PCDHGB7: variants seen among roughly 807,000 people sequenced by gnomAD.
PCDHGB7 encodes protocadherin gamma-B7.
In PCDHGB7, 37 loss-of-function variants were observed where a neutral mutation model predicts 61.4. That is an observed-to-expected ratio of 0.60 (90% CI 0.46 to 0.79). PCDHGB7 has a LOEUF of 0.79. PCDHGB7 is among the 30% of genes least tolerant of loss of function. The pLI, the probability that PCDHGB7 is intolerant of heterozygous loss-of-function variation, is 0.00. For missense variants in PCDHGB7, 1,166 were observed against 1,202.5 expected (o/e 0.97, Z 0.45); for synonymous variants, 464 against 503.5 (o/e 0.92, Z 1.05).
intron 1 of PCDHGB7, among the ~76,000 whole-genome samples, chr5:141,450,826 A>ATT (rs764729742): frequency 0.025 from 3,390 of 134,266 alleles, 60 homozygotes; most frequent in Middle Eastern, 0.057. Flanking sequence ...TATTATTATT[A>ATT]TTATTTTTTT....
chr5:141,475,715 C>A (rs989484033), intron 1 of PCDHGB7, among the ~76,000 whole-genome samples: 3 of 152,366 alleles, frequency 2.0e-5, no homozygotes, highest in South Asian at 4.1e-4. Context: ...AGCCTCACAG[C>A]CCCAAGGCTG....
rs762433242 is a variant in PCDHGB7, at chr5:141,476,856, C to A, written c.2416-17951C>A. 2.5e-6 allele frequency: 4 copies of A among 1,613,762 alleles called. No individual in the cohort carries two copies. In the East Asian group the frequency reaches 6.7e-5, roughly 27 times the overall value. ...GACAATGCGCCTGTCTTCAACCAGTCCTTGTACCGGGCGCGCGTCCTGGAG... is the reference window on the plus strand; with the variant it reads ...GACAATGCGCCTGTCTTCAACCAGTACTTGTACCGGGCGCGCGTCCTGGAG... On this transcript the variant is annotated intron_variant, in intron 1 of 3. Coordinates refer to ENST00000398594, the MANE Select transcript of PCDHGB7 (RefSeq NM_018927.4). This position sits in a 1 kb window ranked among gnomAD's most constrained non-coding sequence, Gnocchi z 7.6.
In PCDHGB7 at chr5:141,426,211, G is replaced by A. The variant is rs184669298; in HGVS notation, c.2415+5937G>A. On this transcript the variant is annotated intron_variant, in intron 1 of 3. Coordinates refer to ENST00000398594, the MANE Select transcript of PCDHGB7 (RefSeq NM_018927.4). ...TGGGAGCATTGAGTTTTCTATGTAT[G>A]GAAGTAAATATTTTAAAAGCACTTT... The A allele has an allele frequency of 7.7e-4, 121 of 157,870 alleles. 1 individual carries two copies. The highest frequency in any genetic ancestry group is 7.4e-4 in the South Asian group (4 of 5,398). 9.8% of individuals were successfully genotyped at this position (157,870 alleles called of 1,614,324 possible). A position where few individuals can be genotyped will look rare whatever the true frequency, so the allele number is the denominator to read the frequency against.
chr5:141,476,839 G>A lies in PCDHGB7; in HGVS notation c.2416-17968G>A, dbSNP rs372676286. The A allele has an allele frequency of 5.0e-6, 8 of 1,613,490 alleles. No homozygotes were observed. Among genetic ancestry groups the A allele is most frequent in the South Asian group, 1.1e-5 (1 of 91,088 alleles). On this transcript the variant is annotated intron_variant, in intron 1 of 3. Transcript: ENST00000398594. The surrounding 1 kb of genome is among the most constrained non-coding windows in gnomAD (Gnocchi z 7.6). ...AGGTGCTGGACGCGAATGACAATGC[G>A]CCTGTCTTCAACCAGTCCTTGTACC...
chr5:141,494,924 TGGGAGGAGATGGGGGAG>T, intron 2 of PCDHGB7, 59 bp downstream of exon 2: 1 of 1,613,498 alleles, frequency 6.2e-7, no homozygotes, highest in Admixed American at 1.7e-5. Flanking sequence ...AGGGATGACG[TGGGAGGAGATGGGGGAG>T]GGCCCAGCAT....
intron 2 of PCDHGB7, among the ~76,000 whole-genome samples, chr5:141,497,171 C>T (rs991574648): frequency 6.6e-6 from 1 of 151,148 alleles, no homozygotes; most frequent in African/African-American, 2.5e-5. Context: ...CCACAAATCA[C>T]AGTAAGTTCT....
intron 1 of PCDHGB7, among the ~76,000 whole-genome samples, chr5:141,467,288 A>G (rs1322298174): frequency 6.6e-6 from 1 of 152,084 alleles, no homozygotes; most frequent in Non-Finnish European, 1.5e-5. Context: ...CTTGACCTCA[A>G]GTGATCCACT....
Position 141,419,620 on chromosome 5 carries a change from G to C in PCDHGB7, c.1761G>C (p.Leu587=). ...TVPRAAQPGY[L]VTKVVAVDAD... Reference sequence around the variant, plus strand: ...CGCGGGCCGCGCAGCCAGGCTACCTGGTGACCAAGGTGGTGGCCGTGGACG... The same window carrying C: ...CGCGGGCCGCGCAGCCAGGCTACCTCGTGACCAAGGTGGTGGCCGTGGACG... The change falls in exon 1 of 4, where the codon CTG becomes CTC. Residue 587 remains leucine, a synonymous_variant. Transcript: ENST00000398594. 6.2e-7 allele frequency: 1 copy of C among 1,612,304 alleles called. No individual in the cohort carries two copies. Among genetic ancestry groups the C allele is most frequent in the Non-Finnish European group, 8.5e-7 (1 of 1,179,748 alleles).
chr5:141,430,048 A>G (rs2097258677), intron 1 of PCDHGB7, among the ~76,000 whole-genome samples: 1 of 152,222 alleles, frequency 6.6e-6, no homozygotes, highest in African/African-American at 2.4e-5. Flanking sequence ...AATGTATACA[A>G]TCACATATCA....
At chr5:141,444,578 C>G (rs1030770037) in intron 1 of PCDHGB7, among the ~76,000 whole-genome samples, 1 of 152,134 alleles carries the variant, frequency 6.6e-6, no homozygotes, top group Non-Finnish European at 1.5e-5. Context: ...TTGACTCTTC[C>G]TTTCTACTTA....
chr5:141,510,986 G>A lies in PCDHGB7; in HGVS notation c.2603G>A (p.Gly868Asp), dbSNP rs754203270. The A allele has an allele frequency of 6.2e-7, 1 of 1,614,166 alleles. No individual in the cohort carries two copies. The highest frequency in any genetic ancestry group is 8.5e-7 in the Non-Finnish European group (1 of 1,180,012). The change falls in exon 4 of 4, where the codon GGC becomes GAC. Residue 868 changes from glycine to aspartate, a missense_variant. Physicochemically the swap from Gly to Asp is moderately conservative, Grantham distance 94. Transcript: ENST00000398594. ...DGSSTLGGGA[G>D]TMGLSARYGP... ...AGCTCCACCCTGGGAGGGGGTGCCG[G>A]CACCATGGGATTGAGCGCCCGCTAC... is the stretch of plus-strand genomic sequence containing the variant.
intron 1 of PCDHGB7, among the ~76,000 whole-genome samples, chr5:141,463,377 G>T (rs1161419035): frequency 2.7e-5 from 4 of 147,358 alleles, no homozygotes; most frequent in Non-Finnish European, 3.0e-5. Flanking sequence ...CCCACAGTCT[G>T]AAAGTTGTCT....
chr5:141,432,793 C>T lies in PCDHGB7; in HGVS notation c.2415+12519C>T. 6.2e-7 allele frequency: 1 copy of T among 1,614,150 alleles called. No individual in the cohort carries two copies. Among genetic ancestry groups the T allele is most frequent in the Admixed American group, 1.7e-5 (1 of 60,032 alleles). ...AAGTCCTGGCGGACCTCGGCAGCCT[C>T]GAGTCTCCAGCTAACTCTGAAACCT... On this transcript the variant is annotated intron_variant, in intron 1 of 3. Transcript: ENST00000398594. The surrounding 1 kb of genome is among the most constrained non-coding windows in gnomAD (Gnocchi z 6.0).
rs764586891 is a variant in PCDHGB7, at chr5:141,477,616, A to G, written c.2416-17191A>G. On this transcript the variant is annotated intron_variant, in intron 1 of 3. Coordinates refer to ENST00000398594, the MANE Select transcript of PCDHGB7 (RefSeq NM_018927.4). This position sits in a 1 kb window ranked among gnomAD's most constrained non-coding sequence, Gnocchi z 4.9. ...TTTCTTTCTTTCTCTTGGAGCAAGGAGCTGAAACCGGGCTAGTGGGTCGCT... is the reference window on the plus strand; with the variant it reads ...TTTCTTTCTTTCTCTTGGAGCAAGGGGCTGAAACCGGGCTAGTGGGTCGCT... The G allele has an allele frequency of 1.2e-6, 2 of 1,614,068 alleles. No individual in the cohort carries two copies. Among genetic ancestry groups the G allele is most frequent in the African/African-American group, 2.7e-5 (2 of 74,924 alleles).
intron 1 of PCDHGB7, chr5:141,424,778 T>G (rs1009835492): frequency 1.3e-5 from 2 of 152,166 alleles, no homozygotes; most frequent in African/African-American, 4.8e-5. Flanking sequence ...AATAGTACAT[T>G]CAGTTCTTTT....
chr5:141,458,972 GTCC>G (rs2154566422), intron 1 of PCDHGB7, among the ~76,000 whole-genome samples: 1 of 151,882 alleles, frequency 6.6e-6, no homozygotes, highest in East Asian at 1.9e-4. Context: ...GCCTCAAGCA[GTCC>G]TCCTGCCTCA....
At position 141,418,665 on chromosome 5, in the gene PCDHGB7, A is replaced by G; in HGVS notation, c.806A>G (p.Gln269Arg). The change falls in exon 1 of 4, where the codon CAG becomes CGG. Residue 269 changes from glutamine (Q) to arginine (R), a missense_variant. Physicochemically the swap from Gln to Arg is conservative, Grantham distance 43. Transcript: ENST00000398594. ...TSILRVKATD[Q>R]DEGINSEITY... ...ATCCTGAGAGTGAAGGCCACTGACC[A>G]GGACGAGGGCATCAACTCAGAGATC... The G allele has an allele frequency of 6.2e-7, 1 of 1,614,070 alleles. No homozygotes were observed. The highest frequency in any genetic ancestry group is 1.6e-4 in the Middle Eastern group (1 of 6,062).
chr5:141,489,283 G>A lies in PCDHGB7; in HGVS notation c.2416-5524G>A. The A allele has an allele frequency of 6.4e-7, 1 of 1,569,594 alleles. No homozygotes were observed. Among genetic ancestry groups the A allele is most frequent in the Admixed American group, 1.8e-5 (1 of 55,646 alleles). ...CCCACAGCTCGCTGGGAAATGGCAA[G>A]TGCTGTGCATGTTGTCCTTGTGCTG... On this transcript the variant is annotated intron_variant, in intron 1 of 3. Coordinates refer to ENST00000398594, the MANE Select transcript of PCDHGB7 (RefSeq NM_018927.4). This position sits in a 1 kb window ranked among gnomAD's most constrained non-coding sequence, Gnocchi z 4.5.
chr5:141,462,423 G>A (rs1367388191), intron 1 of PCDHGB7, among the ~76,000 whole-genome samples: 1 of 151,820 alleles, frequency 6.6e-6, no homozygotes, highest in East Asian at 1.9e-4. Context: ...GTCTATCTTG[G>A]TGAGTGTTGC....
Sources: allele counts gnomAD v4.1 joint callset (sites outside exome capture counted in the v4.1 genomes callset), GRCh38; gene constraint gnomAD v4.1.1; non-coding constraint Gnocchi (gnomAD v3.1); transcripts MANE v1.5; gene names NCBI Gene and HGNC (gene_info 2026-07-23, HGNC 2026-07-21).